The following ACOXL variants were observed in gnomAD, a reference collection of about 807,000 sequenced individuals.
The protein encoded by ACOXL is acyl-CoA oxidase like.
Under a neutral mutation model 71.9 loss-of-function variants are expected in ACOXL, and 70 were observed. That is an observed-to-expected ratio of 0.97 (90% CI 0.80 to 1.19). ACOXL has a LOEUF of 1.19. Among genes scored for constraint, ACOXL ranks in the 50% most tolerant of loss-of-function variants. The probability of loss-of-function intolerance (pLI) is 0.00; values close to 1 mark genes in which losing one functional copy is unlikely to be tolerated. For synonymous variants in ACOXL, 253 were observed against 281.6 expected (o/e 0.90, Z 1.02); for missense variants, 703 against 736.3 (o/e 0.95, Z 0.52).
intron 14 of ACOXL, among the ~76,000 whole-genome samples, chr2:111,008,934 C>G (rs1021800657): frequency 1.3e-5 from 2 of 151,920 alleles, no homozygotes; most frequent in African/African-American, 4.8e-5. Context: ...CCCATTTTTC[C>G]ATAGGGTTTT....
intron 14 of ACOXL, among the ~76,000 whole-genome samples, chr2:111,019,161 C>T (rs2064620746): frequency 6.6e-6 from 1 of 152,224 alleles, no homozygotes; most frequent in African/African-American, 2.4e-5. Context: ...ATCTTTCTAG[C>T]TGACCGTACT....
intron 10 of ACOXL, among the ~76,000 whole-genome samples, chr2:110,899,645 A>C (rs919616971): frequency 4.6e-5 from 7 of 152,134 alleles, no homozygotes; most frequent in African/African-American, 1.7e-4. Context: ...ACAACAGTGA[A>C]ATAATTAGCT....
At chr2:110,963,573 G>A (rs1359547084) in intron 12 of ACOXL, 8 of 619,250 alleles carry the variant, frequency 1.3e-5, no homozygotes, top group Middle Eastern at 3.9e-4. Context: ...AAATGTGTGT[G>A]TGTGTGTGTG....
Position 110,777,089 on chromosome 2 carries a change from G to A in ACOXL, c.76-7643G>A, listed in dbSNP as rs551235927. Reference sequence around the variant, plus strand: ...GATAGGGTCACCGTATACTGGGTGGGAAGCCTAGAAGAGATGTTAGGTTAA... The same window carrying A: ...GATAGGGTCACCGTATACTGGGTGGAAAGCCTAGAAGAGATGTTAGGTTAA... On this transcript the variant is annotated intron_variant, in intron 2 of 17. Transcript: ENST00000439055. Among the ~76,000 whole-genome samples, 327 of 152,280 alleles carry A rather than the reference G, an allele frequency of 2.1e-3. 4 individuals carry two copies. Among genetic ancestry groups the A allele is most frequent in the Non-Finnish European group, 1.4e-3 (98 of 68,018 alleles).
At chr2:110,956,168 C>T (rs1286894142) in intron 12 of ACOXL, among the ~76,000 whole-genome samples, 1 of 152,018 alleles carries the variant, frequency 6.6e-6, no homozygotes, top group Non-Finnish European at 1.5e-5. Context: ...CCTCGTGAAC[C>T]ACCCACCTCG....
chr2:111,037,759 G>A (rs1381852285), intron 15 of ACOXL, among the ~76,000 whole-genome samples: 1 of 152,138 alleles, frequency 6.6e-6, no homozygotes, highest in Non-Finnish European at 1.5e-5. Flanking sequence ...CTTTGCCCCG[G>A]GGCCAGTTAA....
At chr2:110,916,358 C>G (rs1442787512) in intron 11 of ACOXL, among the ~76,000 whole-genome samples, 1 of 151,694 alleles carries the variant, frequency 6.6e-6, no homozygotes, top group East Asian at 1.9e-4. Context: ...TTCTTTGAAA[C>G]CAATGAGAGC....
intron 16 of ACOXL, among the ~76,000 whole-genome samples, chr2:111,090,757 C>G (rs2068477730): frequency 6.6e-6 from 1 of 152,174 alleles, no homozygotes; most frequent in Non-Finnish European, 1.5e-5. Flanking sequence ...TCAGATGGGA[C>G]TGGACAAGAC....
intron 10 of ACOXL, among the ~76,000 whole-genome samples, chr2:110,893,984 G>C (rs1010320951): frequency 6.6e-6 from 1 of 151,836 alleles, no homozygotes; most frequent in African/African-American, 2.4e-5. Flanking sequence ...CTCTCTCTTT[G>C]TCTCTGTTGT....
intron 3 of ACOXL, among the ~76,000 whole-genome samples, chr2:110,790,032 T>C (rs978901592): frequency 2.0e-5 from 3 of 152,240 alleles, no homozygotes; most frequent in Non-Finnish European, 4.4e-5. Flanking sequence ...TTTGTACATA[T>C]GTACCTTAGC....
At chr2:110,856,565 AAAG>A (rs1361429869) in intron 10 of ACOXL, among the ~76,000 whole-genome samples, 1 of 152,244 alleles carries the variant, frequency 6.6e-6, no homozygotes, top group East Asian at 1.9e-4. Flanking sequence ...AGATCTACAG[AAAG>A]AAGGAGTCTT....
intron 16 of ACOXL, among the ~76,000 whole-genome samples, chr2:111,072,229 C>T (rs930910417): frequency 6.6e-6 from 1 of 152,182 alleles, no homozygotes. Context: ...TGCTATGGCT[C>T]CATAATTGTT....
chr2:110,969,299 A>G (rs1278232358), intron 12 of ACOXL, among the ~76,000 whole-genome samples: 1 of 152,212 alleles, frequency 6.6e-6, no homozygotes, highest in Admixed American at 6.5e-5. Context: ...GAAACCAAAC[A>G]TAAGAAAGGA....
chr2:110,957,721 A>T (rs985042675), intron 12 of ACOXL, among the ~76,000 whole-genome samples: 12 of 152,118 alleles, frequency 7.9e-5, no homozygotes, highest in Non-Finnish European at 2.9e-5. Flanking sequence ...TTTGAAATAC[A>T]GCCACATTCT....
At chr2:111,018,633 C>G (rs1395860545) in intron 14 of ACOXL, among the ~76,000 whole-genome samples, 1 of 152,018 alleles carries the variant, frequency 6.6e-6, no homozygotes, top group Non-Finnish European at 1.5e-5. Flanking sequence ...GAGAGAGTGA[C>G]CATTCAAAGG....
rs568629086 is a variant in ACOXL at position 110,979,460 on chromosome 2, G to A, written c.1060-7648G>A. On this transcript the variant is annotated intron_variant, in intron 12 of 17. Coordinates refer to ENST00000439055, the MANE Select transcript of ACOXL (RefSeq NM_001142807.4). Reference sequence around the variant, plus strand: ...CTCATAGGTCCCATTGGCCAGGACGGTGCCCGTGGCCCAGCTGTATGAGAA... The same window carrying A: ...CTCATAGGTCCCATTGGCCAGGACGATGCCCGTGGCCCAGCTGTATGAGAA... Among the ~76,000 whole-genome samples the A allele has an allele frequency of 1.2e-4, 19 of 152,286 alleles. No individual in the cohort carries two copies. In the East Asian group the frequency reaches 3.3e-3, roughly 26 times the overall value.
intron 10 of ACOXL, among the ~76,000 whole-genome samples, chr2:110,845,256 A>C (rs1274037477): frequency 1.3e-5 from 2 of 152,174 alleles, no homozygotes; most frequent in Non-Finnish European, 2.9e-5. Context: ...CTGTGTTGTC[A>C]CGTGGCAGAA....
At chr2:110,773,848 C>T (rs1382102226) in intron 2 of ACOXL, among the ~76,000 whole-genome samples, 1 of 152,194 alleles carries the variant, frequency 6.6e-6, no homozygotes, top group African/African-American at 2.4e-5. Flanking sequence ...GCAGAGACAA[C>T]AGGACAGAGA....
At chr2:110,900,920 G>A (rs2059207807) in intron 10 of ACOXL, among the ~76,000 whole-genome samples, 1 of 152,248 alleles carries the variant, frequency 6.6e-6, no homozygotes, top group Non-Finnish European at 1.5e-5. Context: ...AGCCAGGGCT[G>A]CAGGTTTATC....
Sources: allele counts gnomAD v4.1 joint callset (sites outside exome capture counted in the v4.1 genomes callset), GRCh38; gene constraint gnomAD v4.1.1; transcripts MANE v1.5; gene names NCBI Gene and HGNC (gene_info 2026-07-23, HGNC 2026-07-21).